Variants in OCIAD1 observed in about 807,000 individuals in gnomAD.
OCIAD1 encodes OCIA domain containing 1.
OCIAD1 carries 29 observed loss-of-function variants against 38.9 expected under a neutral mutation model. That is an observed-to-expected ratio of 0.74 (90% CI 0.55 to 1.02). OCIAD1 has a LOEUF of 1.02. Ranked by LOEUF, OCIAD1 falls within the 50% of genes least tolerant of loss-of-function variation. The probability of loss-of-function intolerance (pLI) is 0.00; values close to 1 mark genes in which losing one functional copy is unlikely to be tolerated. For synonymous variants in OCIAD1, 110 were observed against 92.0 expected (o/e 1.20, Z -1.12); for missense variants, 288 against 289.6 (o/e 0.99, Z 0.04).
intron 7 of OCIAD1, chr4:48,856,146 G>A (rs1306443866): frequency 6.6e-6 from 1 of 150,994 alleles, no homozygotes; most frequent in African/African-American, 2.4e-5. Flanking sequence ...TTCACTATTT[G>A]ATCCTGTCAA....
chr4:48,838,756 AT>A (rs923556010), intron 3 of OCIAD1, among the ~76,000 whole-genome samples: 1 of 152,182 alleles, frequency 6.6e-6, no homozygotes, highest in African/African-American at 2.4e-5. Context: ...TTTTTTATAC[AT>A]TTTTTAGGTC....
At chr4:48,853,284 T>C (rs1779708612) in intron 7 of OCIAD1, among the ~76,000 whole-genome samples, 1 of 152,216 alleles carries the variant, frequency 6.6e-6, no homozygotes, top group Non-Finnish European at 1.5e-5. Flanking sequence ...GTAGACTTTA[T>C]TTACTTTGCC....
At chr4:48,856,193 T>C (rs551381293) in intron 7 of OCIAD1, 4 of 152,322 alleles carry the variant, frequency 2.6e-5, no homozygotes, top group Non-Finnish European at 5.9e-5. Context: ...ATATTTACAT[T>C]TGACTCTATG....
At chr4:48,827,432 T>C (rs1410482517), upstream of OCIAD1, among the ~76,000 whole-genome samples, 1 of 152,232 alleles carries the variant, frequency 6.6e-6, no homozygotes, top group Admixed American at 6.5e-5. Context: ...GATCTCACCA[T>C]TCCAGATTAG....
At chr4:48,808,476 A>C (rs1392984182) in intron 1 of OCIAD1, among the ~76,000 whole-genome samples, 2 of 152,020 alleles carry the variant, frequency 1.3e-5, no homozygotes, top group Non-Finnish European at 1.5e-5. Flanking sequence ...CTTCCAAAAA[A>C]CAAAAAACAA....
intron 6 of OCIAD1, among the ~76,000 whole-genome samples, chr4:48,851,477 C>T (rs1407349458): frequency 6.6e-6 from 1 of 152,034 alleles, no homozygotes; most frequent in African/African-American, 2.4e-5. Flanking sequence ...TGCTTGAGCC[C>T]AGTAGTTTGA....
At chr4:48,840,482 G>T (rs188874020) in intron 3 of OCIAD1, among the ~76,000 whole-genome samples, 2 of 152,324 alleles carry the variant, frequency 1.3e-5, no homozygotes, top group African/African-American at 2.4e-5. Context: ...AGGATAGCAT[G>T]AATTCAGACC....
chr4:48,814,752 AAAAG>A (rs980262341), intron 1 of OCIAD1, among the ~76,000 whole-genome samples: 7 of 152,184 alleles, frequency 4.6e-5, no homozygotes, highest in African/African-American at 1.7e-4. Context: ...AGAAAAACAA[AAAAG>A]AACTCACATT....
intron 1 of OCIAD1, among the ~76,000 whole-genome samples, chr4:48,809,603 G>T (rs1777065075): frequency 6.6e-6 from 1 of 152,116 alleles, no homozygotes. Context: ...GGCCCTTCAT[G>T]ATACGGCCTC....
intron 3 of OCIAD1, among the ~76,000 whole-genome samples, chr4:48,836,528 G>T (rs1279240646): frequency 6.6e-6 from 1 of 152,206 alleles, no homozygotes. Context: ...GTTTATTGTG[G>T]AGTTGTGTTG....
At chr4:48,808,376 G>A (rs182348682) in intron 1 of OCIAD1, among the ~76,000 whole-genome samples, 8 of 152,058 alleles carry the variant, frequency 5.3e-5, no homozygotes, top group African/African-American at 1.9e-4. Context: ...AAGCTGAGGT[G>A]GTTCAACTAC....
chr4:48,833,276 C>A, intron 2 of OCIAD1, 125 bp from the exon 3 acceptor site: 1 of 630,630 alleles, frequency 1.6e-6, no homozygotes, highest in Non-Finnish European at 2.8e-6. Flanking sequence ...AGTGCATAAG[C>A]CAGTTGTTTT....
Position 48,861,572 on chromosome 4 carries a change from G to C in OCIAD1, c.*810G>C, listed in dbSNP as rs535223202. ...ATGGTGTCGTGTGCCTGTAGTCCTA[G>C]TTACTTAAGAGGCTGAGTTGGGAGG... On this transcript the variant is annotated 3_prime_UTR_variant, in exon 9 of 9. Coordinates refer to ENST00000264312, the MANE Select transcript of OCIAD1 (RefSeq NM_017830.4). The C allele has an allele frequency of 1.3e-5, 2 of 152,232 alleles. No individual in the cohort carries two copies. Among genetic ancestry groups the C allele is most frequent in the Middle Eastern group, 3.4e-3 (1 of 294 alleles). The allele number at this position is 152,232 out of a possible 1,614,324, so 9.4% of individuals were successfully genotyped here.
At chr4:48,846,722 T>G (rs1579086280) in intron 4 of OCIAD1, among the ~76,000 whole-genome samples, 1 of 145,534 alleles carries the variant, frequency 6.9e-6, no homozygotes, top group Non-Finnish European at 1.5e-5. Context: ...CACTCCAGCC[T>G]GGGGACAGAG....
intron 1 of OCIAD1, among the ~76,000 whole-genome samples, chr4:48,809,761 T>A (rs577358451): frequency 7.9e-5 from 12 of 152,286 alleles, no homozygotes; most frequent in African/African-American, 2.9e-4. Flanking sequence ...CATTCCTTTG[T>A]TCTTCCCTTG....
intron 1 of OCIAD1, among the ~76,000 whole-genome samples, chr4:48,822,574 C>T (rs1777205120): frequency 6.6e-6 from 1 of 152,176 alleles, no homozygotes; most frequent in Non-Finnish European, 1.5e-5. Flanking sequence ...AGCTTCTGCA[C>T]AGCAAAGAAA....
chr4:48,809,583 T>G (rs982675387), intron 1 of OCIAD1, among the ~76,000 whole-genome samples: 4 of 152,182 alleles, frequency 2.6e-5, no homozygotes, highest in Non-Finnish European at 5.9e-5. Flanking sequence ...ATCCTAACTA[T>G]GACATTTGAG....
chr4:48,808,903 A>G (rs1476777876), intron 1 of OCIAD1, among the ~76,000 whole-genome samples: 1 of 152,128 alleles, frequency 6.6e-6, no homozygotes, highest in South Asian at 2.1e-4. Context: ...ACCACCCAGT[A>G]CTGTTACCAA....
rs1224777535 is a variant in OCIAD1, at chr4:48,857,229, T to G, written c.564T>G (p.Leu188=). 6.5e-7 allele frequency: 1 copy of G among 1,550,176 alleles called. No individual in the cohort carries two copies. The highest frequency in any genetic ancestry group is 8.7e-7 in the Non-Finnish European group (1 of 1,150,232). ...TTGTTTTAGGACCTGATCCCAACCT[T>G]GAAGAAAGTCCTAAAAGAAAAAATA... ...DHIVQGPDPN[L]EESPKRKNIT... Residue 188 remains leucine (L), a synonymous_variant, in exon 8 of 9, where the codon CTT becomes CTG. Coordinates refer to ENST00000264312, the MANE Select transcript of OCIAD1 (RefSeq NM_017830.4).
Sources: gnomAD v4.1 joint callset for allele counts (sites outside exome capture counted in the v4.1 genomes callset) on GRCh38, gnomAD v4.1.1 for gene constraint, MANE v1.5 for transcripts, NCBI Gene and HGNC (gene_info 2026-07-23, HGNC 2026-07-21) for gene names.